Variants in JAKMIP2 observed in about 807,000 individuals in gnomAD.
The protein encoded by JAKMIP2 is janus kinase and microtubule interacting protein 2, also known as janus kinase and microtubule-interacting protein 2.
JAKMIP2 carries 25 observed loss-of-function variants against 115.0 expected under a neutral mutation model. The ratio of observed to expected loss-of-function variants is 0.22; its 90% CI spans 0.16 to 0.30. The LOEUF is 0.30. Among genes scored for constraint, JAKMIP2 ranks in the 10% least tolerant of loss-of-function variants. JAKMIP2 has a pLI of 1.00. For synonymous variants in JAKMIP2, 334 were observed against 343.6 expected (o/e 0.97, Z 0.31); for missense variants, 642 against 957.6 (o/e 0.67, Z 4.35).
intron 1 of JAKMIP2, among the ~76,000 whole-genome samples, chr5:147,692,293 G>A (rs1434221951): frequency 2.6e-5 from 4 of 152,144 alleles, no homozygotes; most frequent in African/African-American, 9.7e-5. Context: ...AAGAGAGGAC[G>A]GAATAGTCTT....
Position 147,719,893 on chromosome 5 carries a change from G to A in JAKMIP2, c.-148-47939C>T, listed in dbSNP as rs1753190586. ...TGTGTGAATTTGATCCTGTCATGAT[G>A]ATGTTAGCTGGTGATTTTGCTCATT... On this transcript the variant is annotated intron_variant, in intron 1 of 21. Coordinates refer to ENST00000616793, the MANE Select transcript of JAKMIP2 (RefSeq NM_001270941.2). Among the ~76,000 whole-genome samples, 3 of 152,194 alleles carry A rather than the reference G, an allele frequency of 2.0e-5. No homozygotes were observed. The South Asian group carries it at 6.2e-4, about 32-fold the overall frequency.
At chr5:147,645,083 G>A (rs1433669967) in intron 5 of JAKMIP2, 87 bp from the exon 6 acceptor site, 4 of 1,246,506 alleles carry the variant, frequency 3.2e-6, no homozygotes, top group African/African-American at 3.0e-5. Context: ...AAGCACCTCT[G>A]GAGACAGCCT....
At chr5:147,623,573 G>A in intron 17 of JAKMIP2, 48 bp downstream of exon 17, 1 of 1,243,094 alleles carries the variant, frequency 8.0e-7, no homozygotes, top group Non-Finnish European at 1.2e-6. Flanking sequence ...TTTTCCATTT[G>A]CCTTGTAAGT....
chr5:147,696,068 G>C (rs1411864180), intron 1 of JAKMIP2, among the ~76,000 whole-genome samples: 1 of 152,102 alleles, frequency 6.6e-6, no homozygotes, highest in East Asian at 1.9e-4. Context: ...TAAAGGTTAG[G>C]ACATCATATC....
At chr5:147,728,851 T>G (rs1455899936) in intron 1 of JAKMIP2, among the ~76,000 whole-genome samples, 1 of 152,162 alleles carries the variant, frequency 6.6e-6, no homozygotes, top group Admixed American at 6.5e-5. Context: ...TTTAGAGCCA[T>G]TAGATCCTAG....
At chr5:147,636,492 C>T (rs1757620321) in intron 11 of JAKMIP2, 2 of 598,300 alleles carry the variant, frequency 3.3e-6, no homozygotes, top group Admixed American at 3.0e-5. Context: ...CATCATCACT[C>T]CCTATTTCTA....
intron 1 of JAKMIP2, among the ~76,000 whole-genome samples, chr5:147,727,634 G>C (rs981111508): frequency 2.6e-5 from 4 of 152,196 alleles, no homozygotes; most frequent in Admixed American, 1.3e-4. Flanking sequence ...TAAAATTCAA[G>C]ATGAGAATTG....
intron 1 of JAKMIP2, among the ~76,000 whole-genome samples, chr5:147,737,240 T>C (rs1445178890): frequency 4.6e-5 from 7 of 152,210 alleles, no homozygotes; most frequent in African/African-American, 7.2e-5. Context: ...CCTGTTCTAG[T>C]CTTGTTATAA....
intron 20 of JAKMIP2, among the ~76,000 whole-genome samples, chr5:147,602,526 ACTT>A (rs903374475): frequency 4.6e-5 from 7 of 152,060 alleles, no homozygotes; most frequent in Non-Finnish European, 7.4e-5. Context: ...TCCAAGATAG[ACTT>A]CTTCTTATTT....
At chr5:147,675,592 T>A (rs897811309) in intron 1 of JAKMIP2, among the ~76,000 whole-genome samples, 4 of 152,060 alleles carry the variant, frequency 2.6e-5, no homozygotes, top group African/African-American at 7.2e-5. Flanking sequence ...ATAAACAGCA[T>A]CACAATCAAT....
chr5:147,782,373 T>G (rs1755793582), intron 1 of JAKMIP2, 83 bp downstream of exon 1: 3 of 1,380,634 alleles, frequency 2.2e-6, no homozygotes, highest in Non-Finnish European at 3.0e-6. Flanking sequence ...GGAGTCATTG[T>G]TCAAGTTCAG....
At chr5:147,658,744 A>T (rs1167764508) in intron 3 of JAKMIP2, among the ~76,000 whole-genome samples, 1 of 152,134 alleles carries the variant, frequency 6.6e-6, no homozygotes, top group Non-Finnish European at 1.5e-5. Flanking sequence ...GGAGGACTCT[A>T]GAGAAGCAGT....
At chr5:147,689,965 GTAA>G (rs1760751794) in intron 1 of JAKMIP2, among the ~76,000 whole-genome samples, 1 of 152,116 alleles carries the variant, frequency 6.6e-6, no homozygotes, top group Admixed American at 6.6e-5. Context: ...ATGTTAAAAG[GTAA>G]TAATGAGAGA....
intron 1 of JAKMIP2, among the ~76,000 whole-genome samples, chr5:147,767,914 G>C (rs9688059): frequency 0.32 from 49,304 of 151,970 alleles, 9,437 homozygotes; most frequent in African/African-American, 0.54. Flanking sequence ...AAACCATTCA[G>C]TCTGCAAAGT....
rs553840608 is a variant in JAKMIP2 at position 147,665,100 on chromosome 5, G to A, written c.130-3655C>T. 6.6e-5 allele frequency among the ~76,000 whole-genome samples: 10 copies of A among 152,290 alleles called. No homozygotes were observed. In the East Asian group the frequency reaches 1.7e-3, roughly 27 times the overall value. The stretch of plus-strand genomic sequence containing the variant: ...CTCCATCTTTCTAGAGTGAATGGAA[G>A]TGGGCATCTTCTAGATTGGGGTGGG... On this transcript the variant is annotated intron_variant, in intron 2 of 21. Transcript: ENST00000616793.
At chr5:147,774,991 C>T (rs925756448) in intron 1 of JAKMIP2, among the ~76,000 whole-genome samples, 16 of 152,078 alleles carry the variant, frequency 1.1e-4, no homozygotes, top group Non-Finnish European at 1.8e-4. Context: ...ATTTAGTTTT[C>T]CATGCATATT....
At chr5:147,746,959 A>T (rs1466677508) in intron 1 of JAKMIP2, among the ~76,000 whole-genome samples, 2 of 152,208 alleles carry the variant, frequency 1.3e-5, no homozygotes, top group Non-Finnish European at 2.9e-5. Context: ...GCTTTAAGGC[A>T]GGAGAGTGAA....
At chr5:147,674,313 C>G (rs1412312111) in intron 1 of JAKMIP2, among the ~76,000 whole-genome samples, 1 of 152,198 alleles carries the variant, frequency 6.6e-6, no homozygotes, top group African/African-American at 2.4e-5. Flanking sequence ...CAATTTCCCT[C>G]AAATCCCTAA....
rs1754956764 is a variant in JAKMIP2, at chr5:147,588,273, G to A, written c.*3434C>T. 6.6e-6 allele frequency: 1 copy of A among 151,880 alleles called. No homozygotes were observed. 9.4% of individuals were successfully genotyped at this position (151,880 alleles called of 1,614,324 possible). ...CAGTTATGTTTATTTTCCAGGGTAT[G>A]AATATTTTATTGAGAAAAATTAAGT... On this transcript the variant is annotated 3_prime_UTR_variant, in exon 22 of 22. Transcript: ENST00000616793.
Sources: allele counts gnomAD v4.1 joint callset (sites outside exome capture counted in the v4.1 genomes callset), GRCh38; gene constraint gnomAD v4.1.1; transcripts MANE v1.5; gene names NCBI Gene and HGNC (gene_info 2026-07-23, HGNC 2026-07-21).